Variants in THSD7B observed in about 807,000 individuals in gnomAD.
The protein encoded by THSD7B is thrombospondin type-1 domain-containing protein 7B.
THSD7B carries 138 observed loss-of-function variants against 213.6 expected under a neutral mutation model. The ratio of observed to expected loss-of-function variants is 0.65; its 90% CI spans 0.56 to 0.74. The LOEUF (loss-of-function observed/expected upper bound fraction) is 0.74, where lower values mean the gene tolerates loss of function less well. Ranked by LOEUF, THSD7B falls within the 30% of genes least tolerant of loss-of-function variation. The pLI is 0.00. For missense variants in THSD7B, 1,931 were observed against 1,991.5 expected (o/e 0.97, Z 0.58); for synonymous variants, 742 against 687.0 (o/e 1.08, Z -1.25).
intron 22 of THSD7B, among the ~76,000 whole-genome samples, 200 bp from the exon 23 acceptor site, chr2:137,656,596 T>A (rs1381504844): frequency 6.6e-6 from 1 of 152,224 alleles, no homozygotes; most frequent in Non-Finnish European, 1.5e-5. Flanking sequence ...TTTTGGCACT[T>A]TCTTGTTAAA....
rs1680351774 is a variant in THSD7B, at chr2:137,176,042, T to TTTTTGC, written c.1723+5113_1723+5118dup. Reference sequence around the variant, plus strand: ...TGCTGCTTTACTTCTGCTCTGTAAGTTTTTGCTTTTGCTTATAAGATATTC... The same window carrying TTTTTGC: ...TGCTGCTTTACTTCTGCTCTGTAAGTTTTTGCTTTTGCTTTTGCTTATAAGATATTC... On this transcript the variant is annotated intron_variant, in intron 7 of 27. Coordinates refer to ENST00000409968, the MANE Select transcript of THSD7B (RefSeq NM_001316349.2). 2.0e-5 allele frequency among the ~76,000 whole-genome samples: 3 copies of TTTTTGC among 152,172 alleles called. No homozygotes were observed. The South Asian group carries it at 6.2e-4, about 32-fold the overall frequency.
chr2:137,573,588 T>C (rs567522686), intron 17 of THSD7B, among the ~76,000 whole-genome samples: 1 of 152,242 alleles, frequency 6.6e-6, no homozygotes, highest in South Asian at 2.1e-4. Context: ...GGGATATTTG[T>C]ACTACTAAGT....
intron 1 of THSD7B, among the ~76,000 whole-genome samples, chr2:136,786,044 T>C (rs998686519): frequency 6.6e-6 from 1 of 152,170 alleles, no homozygotes; most frequent in Admixed American, 6.5e-5. Flanking sequence ...CTCAAGGCTG[T>C]AATTCAAAGT....
At chr2:137,156,504 T>C (rs1163216507) in intron 5 of THSD7B, among the ~76,000 whole-genome samples, 1 of 152,172 alleles carries the variant, frequency 6.6e-6, no homozygotes, top group Non-Finnish European at 1.5e-5. Flanking sequence ...GCAAACCATG[T>C]CCTTCTCTAA....
chr2:137,126,659 A>G (rs2104948770), intron 5 of THSD7B, among the ~76,000 whole-genome samples: 1 of 152,214 alleles, frequency 6.6e-6, no homozygotes, highest in African/African-American at 2.4e-5. Flanking sequence ...AACACTTTTA[A>G]TTTCCCTCAA....
intron 1 of THSD7B, among the ~76,000 whole-genome samples, chr2:136,862,166 T>C (rs1192159654): frequency 2.0e-5 from 3 of 152,202 alleles, no homozygotes; most frequent in Non-Finnish European, 4.4e-5. Flanking sequence ...GGTGGGACTG[T>C]ACAAAGTGTG....
chr2:137,095,269 G>C (rs1444868977), intron 4 of THSD7B, 148 bp downstream of exon 4: 10 of 1,153,484 alleles, frequency 8.7e-6, no homozygotes, highest in Non-Finnish European at 1.2e-5. Flanking sequence ...AGGAGAGCGG[G>C]TTAAGATCAT....
intron 14 of THSD7B, among the ~76,000 whole-genome samples, chr2:137,414,859 C>A (rs777230089): frequency 2.0e-5 from 3 of 152,028 alleles, no homozygotes; most frequent in Admixed American, 6.5e-5. Context: ...ACTTCAAGAC[C>A]AGCCTGGCCA....
chr2:136,800,390 G>A (rs960734801), intron 1 of THSD7B, among the ~76,000 whole-genome samples: 1 of 151,636 alleles, frequency 6.6e-6, no homozygotes, highest in Non-Finnish European at 1.5e-5. Flanking sequence ...TCATCTCAAG[G>A]CTTATTTCAC....
chr2:137,026,313 G>A (rs755516767), intron 2 of THSD7B, among the ~76,000 whole-genome samples: 22 of 152,214 alleles, frequency 1.4e-4, no homozygotes, highest in Admixed American at 1.3e-3. Context: ...CTTCTACATC[G>A]TTCCCTATAG....
intron 15 of THSD7B, among the ~76,000 whole-genome samples, chr2:137,537,354 T>TCTATC (rs1381237750): frequency 3.3e-5 from 5 of 151,776 alleles, no homozygotes; most frequent in Non-Finnish European, 7.4e-5. Flanking sequence ...TTTCTATACT[T>TCTATC]CTATCTAAAG....
intron 12 of THSD7B, among the ~76,000 whole-genome samples, chr2:137,280,275 G>T (rs1682976137): frequency 6.6e-6 from 1 of 152,122 alleles, no homozygotes; most frequent in African/African-American, 2.4e-5. Context: ...TGTTTACCTT[G>T]CAGGGCCTCG....
chr2:137,012,867 T>C (rs979350014), intron 2 of THSD7B, among the ~76,000 whole-genome samples: 1 of 152,234 alleles, frequency 6.6e-6, no homozygotes, highest in African/African-American at 2.4e-5. Flanking sequence ...GTAAAGCTAA[T>C]TTTATTTTTT....
chr2:137,202,053 A>G (rs945032873), intron 7 of THSD7B, among the ~76,000 whole-genome samples: 3 of 152,050 alleles, frequency 2.0e-5, no homozygotes, highest in Non-Finnish European at 2.9e-5. Context: ...CTTTTCTCCC[A>G]TAGTGTATTG....
At chr2:137,302,881 C>A (rs886853617) in intron 12 of THSD7B, among the ~76,000 whole-genome samples, 4 of 152,168 alleles carry the variant, frequency 2.6e-5, no homozygotes, top group African/African-American at 9.7e-5. Flanking sequence ...AATCTAAATT[C>A]ACTCTTCCCC....
intron 12 of THSD7B, among the ~76,000 whole-genome samples, chr2:137,399,945 C>G (rs1031291411): frequency 1.3e-5 from 2 of 152,046 alleles, no homozygotes; most frequent in Non-Finnish European, 2.9e-5. Flanking sequence ...GATGTGTGTT[C>G]AGGTCCTGAG....
intron 1 of THSD7B, among the ~76,000 whole-genome samples, chr2:136,770,951 G>A (rs1681494078): frequency 6.6e-6 from 1 of 151,916 alleles, no homozygotes. Context: ...ATAAAATAAG[G>A]ATATTAAGTT....
intron 4 of THSD7B, among the ~76,000 whole-genome samples, chr2:137,114,161 A>G (rs1465006622): frequency 1.3e-5 from 2 of 152,202 alleles, no homozygotes; most frequent in Non-Finnish European, 2.9e-5. Context: ...TTAAACAATC[A>G]CAAAACTGAT....
intron 9 of THSD7B, among the ~76,000 whole-genome samples, chr2:137,233,885 G>T (rs1454536905): frequency 6.6e-6 from 1 of 152,156 alleles, no homozygotes; most frequent in African/African-American, 2.4e-5. Context: ...AGAGACTTGT[G>T]ACTGTTCTAT....
Sources: allele counts gnomAD v4.1 joint callset (sites outside exome capture counted in the v4.1 genomes callset), GRCh38; gene constraint gnomAD v4.1.1; transcripts MANE v1.5; gene names NCBI Gene and HGNC (gene_info 2026-07-23, HGNC 2026-07-21).